Variants in KCNH1 observed in about 807,000 individuals in gnomAD.
KCNH1 encodes potassium voltage-gated channel subfamily H member 1.
KCNH1 carries 27 observed loss-of-function variants against 69.2 expected under a neutral mutation model. That is an observed-to-expected ratio of 0.39 (90% confidence interval 0.29 to 0.54). The LOEUF (loss-of-function observed/expected upper bound fraction) is 0.54. KCNH1 is among the 20% of genes least tolerant of loss of function. The probability of loss-of-function intolerance (pLI) is 0.68; values close to 1 mark genes in which losing one functional copy is unlikely to be tolerated. For missense variants in KCNH1, 798 were observed against 1,261.6 expected (o/e 0.63, Z 5.57); for synonymous variants, 456 against 487.7 (o/e 0.93, Z 0.86).
chr1:210,762,412 C>G (rs1184660531), intron 10 of KCNH1, among the ~76,000 whole-genome samples: 1 of 151,918 alleles, frequency 6.6e-6, no homozygotes, highest in Non-Finnish European at 1.5e-5. Flanking sequence ...GACCAAAAAC[C>G]ATAGGGAGGA....
chr1:210,840,228 G>GA (rs1236047248), intron 7 of KCNH1, among the ~76,000 whole-genome samples: 1 of 152,022 alleles, frequency 6.6e-6, no homozygotes, highest in Non-Finnish European at 1.5e-5. Flanking sequence ...TGTTGCTGTT[G>GA]TTGTTGCCTT....
chr1:210,850,592 G>T (rs1220735508), intron 7 of KCNH1, among the ~76,000 whole-genome samples: 1 of 152,144 alleles, frequency 6.6e-6, no homozygotes, highest in Non-Finnish European at 1.5e-5. Flanking sequence ...AATCCAAAGG[G>T]GGCTTTGGAG....
intron 7 of KCNH1, among the ~76,000 whole-genome samples, chr1:210,812,999 T>C (rs1386750584): frequency 1.3e-5 from 2 of 152,194 alleles, no homozygotes; most frequent in Non-Finnish European, 2.9e-5. Context: ...CCTGTCAATC[T>C]AATAAAAAGA....
At chr1:210,996,952 C>T (rs1301465373) in intron 6 of KCNH1, among the ~76,000 whole-genome samples, 5 of 152,226 alleles carry the variant, frequency 3.3e-5, no homozygotes. Flanking sequence ...CCTGAGGGTT[C>T]TGTCTGTTAG....
chr1:211,064,802 A>T (rs984306160), intron 5 of KCNH1, among the ~76,000 whole-genome samples: 1 of 152,162 alleles, frequency 6.6e-6, no homozygotes, highest in Non-Finnish European at 1.5e-5. Context: ...GACAACAAAA[A>T]ACCTAATTTT....
At chr1:210,909,955 CT>C (rs1687194513) in intron 7 of KCNH1, among the ~76,000 whole-genome samples, 1 of 152,198 alleles carries the variant, frequency 6.6e-6, no homozygotes, top group African/African-American at 2.4e-5. Flanking sequence ...ATCTCAGTAA[CT>C]TTTCTAAATT....
intron 6 of KCNH1, among the ~76,000 whole-genome samples, chr1:210,992,318 T>C (rs949153959): frequency 6.6e-6 from 1 of 152,366 alleles, no homozygotes; most frequent in African/African-American, 2.4e-5. Flanking sequence ...AAGATACTGT[T>C]GTTTGACCAC....
intron 10 of KCNH1, among the ~76,000 whole-genome samples, chr1:210,726,461 C>T (rs1162661179): frequency 6.6e-6 from 1 of 152,184 alleles, no homozygotes; most frequent in African/African-American, 2.4e-5. Context: ...GGAGCTTGGA[C>T]AGGTATGTAG....
chr1:211,102,603 A>G (rs1691277832), intron 3 of KCNH1, among the ~76,000 whole-genome samples: 2 of 151,998 alleles, frequency 1.3e-5, no homozygotes, highest in Non-Finnish European at 1.5e-5. Flanking sequence ...TCAGTCACCT[A>G]CTCCAATACC....
chr1:211,081,898 A>G (rs375116165), intron 5 of KCNH1, among the ~76,000 whole-genome samples: 77 of 152,338 alleles, frequency 5.1e-4, no homozygotes, highest in African/African-American at 1.8e-3. Flanking sequence ...GCAAACCAAC[A>G]TGGCACATGT....
At chr1:211,073,875 GA>G (rs1270442488) in intron 5 of KCNH1, among the ~76,000 whole-genome samples, 2 of 151,530 alleles carry the variant, frequency 1.3e-5, no homozygotes, top group African/African-American at 4.8e-5. Flanking sequence ...CAATGAAATT[GA>G]AAACAAAAAG....
chr1:210,987,840 G>T (rs1027251203), intron 6 of KCNH1, among the ~76,000 whole-genome samples: 10 of 152,194 alleles, frequency 6.6e-5, no homozygotes, highest in Non-Finnish European at 1.5e-4. Context: ...GTCTGCAGAG[G>T]TTACTGCTGC....
At chr1:211,075,761 C>G (rs1341223302) in intron 5 of KCNH1, among the ~76,000 whole-genome samples, 1 of 152,196 alleles carries the variant, frequency 6.6e-6, no homozygotes, top group African/African-American at 2.4e-5. Flanking sequence ...AGAGGGCAAG[C>G]CGAAGCAGGG....
At chr1:211,107,227 C>T (rs371026137) in intron 2 of KCNH1, 27 bp downstream of exon 2, 183 of 1,611,478 alleles carry the variant, frequency 1.1e-4, no homozygotes, top group Admixed American at 3.7e-4. Flanking sequence ...ATAGATTGTT[C>T]ACCAGAACAA....
chr1:210,898,530 G>A (rs1174243685), intron 7 of KCNH1, among the ~76,000 whole-genome samples: 3 of 152,166 alleles, frequency 2.0e-5, no homozygotes, highest in African/African-American at 7.2e-5. Context: ...GGGGCTTACT[G>A]ACAGTCCAGA....
chr1:210,756,067 G>A (rs1683393584), intron 10 of KCNH1, among the ~76,000 whole-genome samples: 1 of 152,190 alleles, frequency 6.6e-6, no homozygotes, highest in South Asian at 2.1e-4. Flanking sequence ...ACTTTTGTTT[G>A]TTAAGATTTC....
intron 5 of KCNH1, among the ~76,000 whole-genome samples, chr1:211,047,448 C>G (rs185324665): frequency 6.6e-6 from 1 of 152,110 alleles, no homozygotes; most frequent in African/African-American, 2.4e-5. Flanking sequence ...GGTGGGGACA[C>G]GCTTACAGAG....
At chr1:210,721,214 A>T (rs1184538049) in intron 10 of KCNH1, among the ~76,000 whole-genome samples, 1 of 152,070 alleles carries the variant, frequency 6.6e-6, no homozygotes, top group African/African-American at 2.4e-5. Flanking sequence ...GTTTGCACAC[A>T]CAATAGGTAC....
chr1:210,869,695 T>C (rs1423622788), intron 7 of KCNH1, among the ~76,000 whole-genome samples: 1 of 152,138 alleles, frequency 6.6e-6, no homozygotes, highest in African/African-American at 2.4e-5. Context: ...AAAACTTTAT[T>C]AAGTAGACTT....
Sources: allele counts gnomAD v4.1 joint callset (sites outside exome capture counted in the v4.1 genomes callset), GRCh38; gene constraint gnomAD v4.1.1; transcripts MANE v1.5; gene names NCBI Gene and HGNC (gene_info 2026-07-23, HGNC 2026-07-21).